TGFBI: variants seen among roughly 807,000 people sequenced by gnomAD.
TGFBI encodes the protein transforming growth factor beta induced, also known as transforming growth factor-beta-induced protein ig-h3.
TGFBI carries 50 observed loss-of-function variants against 73.7 expected under a neutral mutation model. That is an observed-to-expected ratio of 0.68 (90% CI 0.54 to 0.86). TGFBI has a LOEUF of 0.86. Ranked by LOEUF, TGFBI falls within the 40% of genes least tolerant of loss-of-function variation. The pLI is 0.00. For missense variants in TGFBI, 839 were observed against 877.0 expected (o/e 0.96, Z 0.55); for synonymous variants, 362 against 360.5 (o/e 1.00, Z -0.05).
At chr5:136,041,471 T>C (rs1391618569) in intron 2 of TGFBI, among the ~76,000 whole-genome samples, 1 of 152,220 alleles carries the variant, frequency 6.6e-6, no homozygotes, top group Admixed American at 6.5e-5. Flanking sequence ...AGACACCCCC[T>C]GTGTCTTCTA....
chr5:136,061,792 C>T (rs111715828), intron 15 of TGFBI, among the ~76,000 whole-genome samples: 6 of 152,338 alleles, frequency 3.9e-5, no homozygotes, highest in South Asian at 2.1e-4. Flanking sequence ...TGGGCCAAAG[C>T]GCAGGCTTTC....
intron 5 of TGFBI, 69 bp downstream of exon 5, chr5:136,047,084 G>A: frequency 1.3e-6 from 2 of 1,581,836 alleles, no homozygotes; most frequent in African/African-American, 2.7e-5. Context: ...CCATGTGTGG[G>A]CTGGTTTCTG....
intron 7 of TGFBI, among the ~76,000 whole-genome samples, chr5:136,052,384 C>T (rs45471093): frequency 0.031 from 4,688 of 152,310 alleles, 244 homozygotes; most frequent in African/African-American, 0.11. Context: ...ACACAAATAA[C>T]TCAAAGCTGT....
chr5:136,051,053 A>G (rs1366472033), intron 7 of TGFBI, among the ~76,000 whole-genome samples: 1 of 152,208 alleles, frequency 6.6e-6, no homozygotes, highest in African/African-American at 2.4e-5. Context: ...TGGGACACAC[A>G]TAGCCTTAAG....
chr5:136,035,974 A>G (rs1751214254), intron 2 of TGFBI, among the ~76,000 whole-genome samples: 1 of 152,172 alleles, frequency 6.6e-6, no homozygotes, highest in African/African-American at 2.4e-5. Flanking sequence ...TAGCTCGATA[A>G]CATTCCCTAT....
chr5:136,056,901 A>G (rs991730439), intron 12 of TGFBI, 106 bp downstream of exon 12: 10 of 1,374,680 alleles, frequency 7.3e-6, no homozygotes, highest in Middle Eastern at 1.9e-4. Context: ...AAGGGATTTT[A>G]TGACAAGACT....
chr5:136,044,980 C>A (rs1294205372), intron 3 of TGFBI: 2 of 152,090 alleles, frequency 1.3e-5, no homozygotes, highest in African/African-American at 2.4e-5. Context: ...AGTTGTTATA[C>A]CCTCTTTTAA....
At chr5:136,043,996 CA>C in intron 2 of TGFBI, 61 bp from the exon 3 acceptor site, 1 of 1,438,250 alleles carries the variant, frequency 7.0e-7, no homozygotes, top group Non-Finnish European at 9.8e-7. Context: ...GGAGAGGGGC[CA>C]GATGACCTGT....
rs986231295 is a variant in TGFBI at position 136,054,009 on chromosome 5, C to T, written c.1193C>T (p.Ala398Val). 12 of 1,613,924 alleles carry T rather than the reference C, an allele frequency of 7.4e-6. No individual in the cohort carries two copies. Among genetic ancestry groups the T allele is most frequent in the South Asian group, 2.2e-5 (2 of 91,094 alleles). Reference sequence around the variant, plus strand: ...ACAGCCATTGACCTTTTCAGACAAGCCGGCCTCGGCAATCATCTCTCTGGA... The same window carrying T: ...ACAGCCATTGACCTTTTCAGACAAGTCGGCCTCGGCAATCATCTCTCTGGA... ...VSTAIDLFRQ[A>V]GLGNHLSGSE... is the part of the protein sequence containing the mutation. The change falls in exon 9 of 17, where the codon GCC becomes GTC. Residue 398 changes from alanine (A) to valine (V), a missense_variant. Transcript: ENST00000442011.
rs1751058869 is a variant in TGFBI at position 136,029,107 on chromosome 5, C to T, written c.52C>T (p.Pro18Ser). Residue 18 changes from proline (P) to serine (S), a missense_variant, in exon 1 of 17, where the codon CCC becomes TCC. By Grantham distance (74) the Pro-to-Ser change is moderately conservative. Transcript: ENST00000442011. ...LALALALALG[P>S]AATLAGPAKS... ...TCTCGCCCTGGCTCTGGCCCTGGGCCCCGCCGCGACCCTGGCGGGTCCCGC... is the reference window on the plus strand; with the variant it reads ...TCTCGCCCTGGCTCTGGCCCTGGGCTCCGCCGCGACCCTGGCGGGTCCCGC... 6.6e-7 allele frequency: 1 copy of T among 1,525,820 alleles called. No individual in the cohort carries two copies. Among genetic ancestry groups the T allele is most frequent in the African/African-American group, 1.4e-5 (1 of 71,092 alleles). The allele number at this position is 1,525,820 out of a possible 1,614,324, so 94.5% of individuals were successfully genotyped here. A position where few individuals can be genotyped will look rare whatever the true frequency, so the allele number is the denominator to read the frequency against.
At chr5:136,033,377 A>G (rs1381007959) in intron 1 of TGFBI, among the ~76,000 whole-genome samples, 4 of 152,166 alleles carry the variant, frequency 2.6e-5, no homozygotes, top group Non-Finnish European at 5.9e-5. Flanking sequence ...GGTTTATAGG[A>G]TAGACAGTAA....
At chr5:136,054,611 T>C in intron 9 of TGFBI, 105 bp from the exon 10 acceptor site, 1 of 1,501,362 alleles carries the variant, frequency 6.7e-7, no homozygotes, top group Non-Finnish European at 9.3e-7. Context: ...AATCCCTGTT[T>C]CCAAACTCAA....
At chr5:136,060,675 A>T (rs1228262637) in intron 13 of TGFBI, among the ~76,000 whole-genome samples, 159 bp from the exon 14 acceptor site, 9 of 152,188 alleles carry the variant, frequency 5.9e-5, no homozygotes. Flanking sequence ...ATGCCACTGC[A>T]CTCCAGCCTG....
chr5:136,047,758 A>C, intron 6 of TGFBI: 1 of 254,272 alleles, frequency 3.9e-6, no homozygotes, highest in Non-Finnish European at 7.6e-6. Context: ...ACTAGAATAA[A>C]TGGCCTATCA....
intron 7 of TGFBI, among the ~76,000 whole-genome samples, chr5:136,050,860 C>A (rs1751520809): frequency 6.6e-6 from 1 of 152,092 alleles, no homozygotes; most frequent in Non-Finnish European, 1.5e-5. Flanking sequence ...ATTATGGTAC[C>A]TCTATGCGCC....
intron 1 of TGFBI, among the ~76,000 whole-genome samples, chr5:136,032,370 G>C (rs1751136586): frequency 1.3e-5 from 2 of 152,204 alleles, no homozygotes; most frequent in Admixed American, 1.3e-4. Context: ...CCGCAGAAGA[G>C]ACAGGGCAGA....
At chr5:136,063,064 T>A in intron 16 of TGFBI, 122 bp from the exon 17 acceptor site, 2 of 831,860 alleles carry the variant, frequency 2.4e-6, no homozygotes, top group Non-Finnish European at 2.0e-6. Context: ...AAGCACCTGC[T>A]ATGTGCAGGA....
chr5:136,056,811 A>C lies in TGFBI; in HGVS notation c.1678+16A>C. The C allele has an allele frequency of 1.2e-6, 2 of 1,605,924 alleles. No individual in the cohort carries two copies. The highest frequency in any genetic ancestry group is 1.7e-6 in the Non-Finnish European group (2 of 1,175,518). ...AGACTCTTGGGTAAAGACCAACTTA[A>C]GTACACGTCTCCATTTTTCTAAAGT... On this transcript the variant is annotated intron_variant, in intron 12 of 16. Transcript: ENST00000442011.
chr5:136,054,489 C>T (rs777384491), intron 9 of TGFBI, among the ~76,000 whole-genome samples: 19 of 152,312 alleles, frequency 1.2e-4, no homozygotes, highest in Non-Finnish European at 1.3e-4. Flanking sequence ...TGCGTGCCTG[C>T]CCTTCCCTCT....
Sources: allele counts gnomAD v4.1 joint callset (sites outside exome capture counted in the v4.1 genomes callset), GRCh38; gene constraint gnomAD v4.1.1; transcripts MANE v1.5; gene names NCBI Gene and HGNC (gene_info 2026-07-23, HGNC 2026-07-21).